ADGRG4: variants seen among roughly 807,000 people sequenced by gnomAD.
ADGRG4 encodes adhesion G protein-coupled receptor G4, also known as G protein-coupled receptor 112.
ADGRG4 carries 122 observed loss-of-function variants against 126.2 expected under a neutral mutation model. The ratio of observed to expected loss-of-function variants is 0.97; its 90% CI spans 0.83 to 1.12. The LOEUF (loss-of-function observed/expected upper bound fraction) is 1.12. ADGRG4 is among the 50% of genes most tolerant of loss of function. ADGRG4 has a pLI of 0.00. For missense variants in ADGRG4, 2,481 were observed against 2,251.8 expected (o/e 1.10, Z -2.06); for synonymous variants, 943 against 838.7 (o/e 1.12, Z -2.15).
Position 136,323,158 on chromosome X carries a change from A to T in ADGRG4, c.451A>T (p.Asn151Tyr), listed in dbSNP as rs766525158. The change falls in exon 5 of 26, where the codon AAC (asparagine) becomes TAC (tyrosine). Residue 151 changes from asparagine to tyrosine, a missense_variant. Transcript: ENST00000394143. The part of the protein sequence containing the change: ...RILEVTDQPH[N>Y]LTPHGTLFLG... ...ACTGGAAGTAACGGATCAACCACAC[A>T]ACCTGACACCTCATGGGACTCTGTT... 4 of 1,209,909 alleles carry T rather than the reference A, an allele frequency of 3.3e-6. No individual in the cohort carries two copies. The highest frequency in any genetic ancestry group is 4.5e-6 in the Non-Finnish European group (4 of 895,183).
intron 5 of ADGRG4, among the ~76,000 whole-genome samples, chrX:136,341,087 A>G (rs1196554089): frequency 9.0e-6 from 1 of 111,634 alleles, no homozygotes; most frequent in East Asian, 2.8e-4. Flanking sequence ...ATTTGTTTTT[A>G]TCTTTCTAAA....
chrX:136,302,083 G>A (rs908272178), intron 1 of ADGRG4, among the ~76,000 whole-genome samples: 1 of 111,769 alleles, frequency 8.9e-6, no homozygotes, highest in Non-Finnish European at 1.9e-5. Context: ...TTGGTTCCAT[G>A]TGAACTTTAA....
Position 136,345,314 on chromosome X carries a change from T to C in ADGRG4, c.1608T>C (p.Ser536=), listed in dbSNP as rs146759282. 88 of 1,209,130 alleles carry C rather than the reference T, an allele frequency of 7.3e-5. No homozygotes were observed. In the African/African-American group the frequency reaches 1.5e-3, roughly 20 times the overall value. The change falls in exon 6 of 26, where the codon TCT becomes TCC. Residue 536 remains serine (S), a synonymous_variant. Coordinates refer to ENST00000394143, the MANE Select transcript of ADGRG4 (RefSeq NM_153834.4). Reference sequence around the variant, plus strand: ...CATCTACAAATTTTCAGGATGTCTCTTTACCCAGAGTGGAAGATGCCATGT... The same window carrying C: ...CATCTACAAATTTTCAGGATGTCTCCTTACCCAGAGTGGAAGATGCCATGT... ...ELTSTNFQDV[S]LPRVEDAMST... is the part of the protein sequence containing the mutation.
chrX:136,372,882 C>G lies in ADGRG4; in HGVS notation c.7614-20C>G. ...CTTTTAAAAGGTAGGATGCTCTTCT[C>G]CATCTGTGGTTTCTTGCAGAATTCT... On this transcript the variant is annotated intron_variant, in intron 14 of 25. Coordinates refer to ENST00000394143, the MANE Select transcript of ADGRG4 (RefSeq NM_153834.4). The G allele has an allele frequency of 8.3e-7, 1 of 1,207,985 alleles. No homozygotes were observed. Among genetic ancestry groups the G allele is most frequent in the South Asian group, 1.8e-5 (1 of 56,835 alleles).
At chrX:136,328,093 TC>T (rs1217089231) in intron 5 of ADGRG4, among the ~76,000 whole-genome samples, 1 of 111,660 alleles carries the variant, frequency 9.0e-6, no homozygotes, top group African/African-American at 3.2e-5. Context: ...ATTATATGCA[TC>T]CTTTTCTGCA....
Position 136,347,603 on chromosome X carries a change from A to C in ADGRG4, c.3897A>C (p.Thr1299=). The C allele has an allele frequency of 8.3e-7, 1 of 1,208,730 alleles. No individual in the cohort carries two copies. The highest frequency in any genetic ancestry group is 1.1e-6 in the Non-Finnish European group (1 of 893,428). Residue 1299 remains threonine (T), a synonymous_variant, in exon 6 of 26, where the codon ACA becomes ACC. Transcript: ENST00000394143. ...CTCCATCTTTGGAAATGACAGATAC[A>C]GGATTTCCTGAGACCACAAAAATTT... ...RGTPSLEMTD[T]GFPETTKISS...
At chrX:136,362,395 C>T (rs758823324) in intron 12 of ADGRG4, among the ~76,000 whole-genome samples, 7 of 111,221 alleles carry the variant, frequency 6.3e-5, no homozygotes, top group East Asian at 5.7e-4. Flanking sequence ...ACTATTAGAG[C>T]GGTCTCCTTG....
At chrX:136,411,521 CATT>C (rs1045795534) in intron 23 of ADGRG4, among the ~76,000 whole-genome samples, 12 of 112,719 alleles carry the variant, frequency 1.1e-4, no homozygotes, top group Admixed American at 2.8e-4. Context: ...CACATGGTGT[CATT>C]ATGCCAAAAA....
intron 12 of ADGRG4, among the ~76,000 whole-genome samples, chrX:136,363,050 G>A (rs188509283): frequency 9.5e-4 from 106 of 111,164 alleles, no homozygotes; most frequent in African/African-American, 3.2e-3. Flanking sequence ...GAGGGCCGAT[G>A]GGCCATCGAG....
At chrX:136,372,589 C>A (rs1180414165) in intron 14 of ADGRG4, among the ~76,000 whole-genome samples, 1 of 112,013 alleles carries the variant, frequency 8.9e-6, no homozygotes, top group African/African-American at 3.2e-5. Flanking sequence ...GTCTGGCTTA[C>A]ATGTAACAAT....
At chrX:136,354,255 T>C (rs1178966033) in intron 8 of ADGRG4, among the ~76,000 whole-genome samples, 2 of 111,775 alleles carry the variant, frequency 1.8e-5, no homozygotes, top group Non-Finnish European at 3.8e-5. Context: ...ACAAAAATGC[T>C]ATAGACTAGG....
intron 15 of ADGRG4, among the ~76,000 whole-genome samples, chrX:136,382,915 T>C (rs568201894): frequency 6.9e-4 from 77 of 110,812 alleles, no homozygotes; most frequent in African/African-American, 2.3e-3. Context: ...GCCAGCAGAA[T>C]GTAATGTCGT....
Position 136,346,350 on chromosome X carries a change from G to A in ADGRG4, c.2644G>A (p.Val882Ile), listed in dbSNP as rs1569322935. The change falls in exon 6 of 26, where the codon GTC becomes ATC. Residue 882 changes from valine (V) to isoleucine (I), a missense_variant. By Grantham distance (29) the Val-to-Ile change is conservative. Coordinates refer to ENST00000394143, the MANE Select transcript of ADGRG4 (RefSeq NM_153834.4). ...DESAQRVTAS[V>I]TVSSFPDIEK... Reference sequence around the variant, plus strand: ...ATCAGCACAAAGGGTGACAGCTTCTGTCACTGTTTCCTCTTTTCCTGATAT... The same window carrying A: ...ATCAGCACAAAGGGTGACAGCTTCTATCACTGTTTCCTCTTTTCCTGATAT... The A allele has an allele frequency of 1.7e-6, 2 of 1,208,804 alleles. No individual in the cohort carries two copies. Among genetic ancestry groups the A allele is most frequent in the African/African-American group, 3.5e-5 (2 of 57,133 alleles).
intron 12 of ADGRG4, among the ~76,000 whole-genome samples, chrX:136,362,147 A>C (rs2075132474): frequency 9.0e-6 from 1 of 110,996 alleles, no homozygotes; most frequent in Non-Finnish European, 1.9e-5. Flanking sequence ...CTCTTTTCTC[A>C]CTCTCTGCTG....
In ADGRG4 at chrX:136,397,881, G is replaced by A; in HGVS notation, c.8185G>A (p.Asp2729Asn). 6 of 1,207,166 alleles carry A rather than the reference G, an allele frequency of 5.0e-6. No individual in the cohort carries two copies. The highest frequency in any genetic ancestry group is 6.7e-6 in the Non-Finnish European group (6 of 892,024). Reference protein sequence around the residue: ...DHLTHFGVLMDLSRSTVDSVN... With the variant: ...DHLTHFGVLMNLSRSTVDSVN... ...AAACACAACACATTGTGTTCCTTAG[G>A]ATTTATCCAGGTCTACAGTGGATTC... Residue 2729 changes from aspartate to asparagine, a missense_variant and splice_region_variant, in exon 20 of 26, where the codon GAT becomes AAT. Asp to Asn is a conservative substitution (Grantham distance 23). Coordinates refer to ENST00000394143, the MANE Select transcript of ADGRG4 (RefSeq NM_153834.4).
At chrX:136,335,018 T>C (rs1433052285) in intron 5 of ADGRG4, among the ~76,000 whole-genome samples, 1 of 111,686 alleles carries the variant, frequency 9.0e-6, no homozygotes, top group African/African-American at 3.3e-5. Context: ...ATGTTAGCTG[T>C]AGGTTTCTTG....
chrX:136,372,887 T>A lies in ADGRG4; in HGVS notation c.7614-15T>A. 2 of 1,208,702 alleles carry A rather than the reference T, an allele frequency of 1.7e-6. No homozygotes were observed. The highest frequency in any genetic ancestry group is 3.5e-5 in the South Asian group (2 of 56,880). On this transcript the variant is annotated splice_polypyrimidine_tract_variant and intron_variant, in intron 14 of 25. Transcript: ENST00000394143. Reference sequence around the variant, plus strand: ...AAAAGGTAGGATGCTCTTCTCCATCTGTGGTTTCTTGCAGAATTCTGAGGA... The same window carrying A: ...AAAAGGTAGGATGCTCTTCTCCATCAGTGGTTTCTTGCAGAATTCTGAGGA...
chrX:136,386,457 GACT>G (rs2075292950), intron 15 of ADGRG4, among the ~76,000 whole-genome samples: 1 of 111,890 alleles, frequency 8.9e-6, no homozygotes, highest in Admixed American at 9.5e-5. Context: ...TGGGTTTTGA[GACT>G]ACAAGTCATT....
intron 4 of ADGRG4, among the ~76,000 whole-genome samples, chrX:136,315,040 A>G (rs1318657242): frequency 9.0e-6 from 1 of 111,417 alleles, no homozygotes; most frequent in Non-Finnish European, 1.9e-5. Context: ...TACTAGAGGA[A>G]GGGATGTGTT....
Sources: allele counts gnomAD v4.1 joint callset (sites outside exome capture counted in the v4.1 genomes callset), GRCh38; gene constraint gnomAD v4.1.1; transcripts MANE v1.5; gene names NCBI Gene and HGNC (gene_info 2026-07-23, HGNC 2026-07-21).